The following PRKG1 variants were observed in gnomAD, a reference collection of about 807,000 sequenced individuals.
PRKG1 encodes protein kinase cGMP-dependent 1.
A neutral mutation model predicts 88.1 loss-of-function variants in PRKG1; 35 were observed. That is an observed-to-expected ratio of 0.40 (90% CI 0.30 to 0.53). The LOEUF (loss-of-function observed/expected upper bound fraction) is 0.53. Among genes scored for constraint, PRKG1 ranks in the 20% least tolerant of loss-of-function variants. PRKG1 has a pLI of 0.59. For synonymous variants in PRKG1, 303 were observed against 292.5 expected, an observed-to-expected ratio of 1.04 and a Z score of -0.37; for missense variants, 540 against 839.8, an observed-to-expected ratio of 0.64 and a Z score of 4.41.
intron 4 of PRKG1, among the ~76,000 whole-genome samples, chr10:51,854,589 G>A (rs530306183): frequency 5.9e-5 from 9 of 152,010 alleles, no homozygotes; most frequent in South Asian, 4.2e-4. Context: ...AGACAACCTC[G>A]TTATAAAGTT....
chr10:51,238,458 C>G (rs906456770), intron 2 of PRKG1, among the ~76,000 whole-genome samples: 3 of 151,918 alleles, frequency 2.0e-5, no homozygotes, highest in African/African-American at 7.3e-5. Flanking sequence ...TGGCGGGCCC[C>G]GTTATCCCAG....
At chr10:51,413,235 G>A (rs1838147418) in intron 2 of PRKG1, among the ~76,000 whole-genome samples, 1 of 151,828 alleles carries the variant, frequency 6.6e-6, no homozygotes, top group South Asian at 2.1e-4. Flanking sequence ...TTTTATTGTT[G>A]TTATTTCTTT....
At chr10:51,420,133 G>A (rs557365344) in intron 2 of PRKG1, among the ~76,000 whole-genome samples, 403 of 152,234 alleles carry the variant, frequency 2.6e-3, no homozygotes, top group African/African-American at 9.4e-3. Context: ...GAAACTGGGG[G>A]AGACCTCAGG....
Position 52,293,238 on chromosome 10 carries a change from C to A in PRKG1, c.1963-564C>A, listed in dbSNP as rs566328943. On this transcript the variant is annotated intron_variant, in intron 17 of 17. Transcript: ENST00000373980. ...AGGACCTCTTCAAGGAGAACTACAACCCACTGCTCAATGAAATAAAAGAGG... is the reference window on the plus strand; with the variant it reads ...AGGACCTCTTCAAGGAGAACTACAAACCACTGCTCAATGAAATAAAAGAGG... Among the ~76,000 whole-genome samples, 62 of 151,740 alleles carry A rather than the reference C, an allele frequency of 4.1e-4. No homozygotes were observed. In the South Asian group the frequency reaches 4.4e-3, roughly 11 times the overall value.
At chr10:51,109,196 C>A (rs1844919552) in intron 1 of PRKG1, among the ~76,000 whole-genome samples, 1 of 151,810 alleles carries the variant, frequency 6.6e-6, no homozygotes, top group South Asian at 2.1e-4. Flanking sequence ...AATAAAAAAC[C>A]AAGGAGGCAT....
At chr10:51,229,926 C>CAAAAAAAAAAAAAAAAAAAAAAAAA (rs35300789) in intron 2 of PRKG1, among the ~76,000 whole-genome samples, 4 of 33,560 alleles carry the variant, frequency 1.2e-4, no homozygotes, top group African/African-American at 3.3e-4. Context: ...GAGGCGATCT[C>CAAAAAAAAAAAAAAAAAAAAAAAAA]AAAAAAAAAA....
chr10:51,607,778 C>T (rs550236085), intron 3 of PRKG1, among the ~76,000 whole-genome samples: 1 of 152,178 alleles, frequency 6.6e-6, no homozygotes, highest in Non-Finnish European at 1.5e-5. Flanking sequence ...TCTTTGTATT[C>T]TGGTCAGTTC....
chr10:51,163,542 A>G (rs996602655), intron 2 of PRKG1, among the ~76,000 whole-genome samples: 1 of 152,150 alleles, frequency 6.6e-6, no homozygotes, highest in Non-Finnish European at 1.5e-5. Context: ...TGGGCGCAAG[A>G]CAGTGGGTGC....
At chr10:52,029,944 C>T (rs1845437396) in intron 5 of PRKG1, among the ~76,000 whole-genome samples, 1 of 152,146 alleles carries the variant, frequency 6.6e-6, no homozygotes, top group Admixed American at 6.5e-5. Flanking sequence ...TACTGAACCC[C>T]ATCCACTTTT....
At chr10:52,065,816 A>G (rs1903998) in intron 7 of PRKG1, among the ~76,000 whole-genome samples, 132,859 of 152,134 alleles carry the variant, frequency 0.87, 58,971 homozygotes, top group Non-Finnish European at 0.96. Context: ...TAAATGTGTC[A>G]AAAGATGGCA....
chr10:51,324,298 C>G (rs1324105211), intron 2 of PRKG1, among the ~76,000 whole-genome samples: 1 of 152,134 alleles, frequency 6.6e-6, no homozygotes, highest in Non-Finnish European at 1.5e-5. Context: ...CTACTTTCAA[C>G]CAACATGAGA....
chr10:51,649,386 A>T, intron 3 of PRKG1, among the ~76,000 whole-genome samples: 1 of 150,618 alleles, frequency 6.6e-6, no homozygotes, highest in Non-Finnish European at 1.5e-5. Context: ...TAATGATTTA[A>T]TTTTTTTTTT....
chr10:52,226,346 G>A (rs1032025043), intron 9 of PRKG1, among the ~76,000 whole-genome samples: 1 of 152,060 alleles, frequency 6.6e-6, no homozygotes, highest in African/African-American at 2.4e-5. Context: ...AAGAGAGTTA[G>A]TTAGATTGAT....
chr10:51,963,866 G>A (rs1010075018), intron 5 of PRKG1, among the ~76,000 whole-genome samples: 1 of 152,148 alleles, frequency 6.6e-6, no homozygotes, highest in Non-Finnish European at 1.5e-5. Flanking sequence ...TTTTATGTCA[G>A]TATCACTAGA....
At chr10:51,884,025 CAAAAA>C (rs11346256) in intron 4 of PRKG1, among the ~76,000 whole-genome samples, 2 of 106,118 alleles carry the variant, frequency 1.9e-5, no homozygotes, top group African/African-American at 3.5e-5. Flanking sequence ...TTTTATTTTT[CAAAAA>C]AAAAAAAAAA....
chr10:51,467,729 A>C lies in PRKG1; in HGVS notation c.485A>C (p.Lys162Thr). ...TTTCCCTCCTCCTTTTTAGATGGTA[A>C]GGTTGAAGTTACAAAAGAAGGTGTG... Reference protein sequence around the residue: ...GSLVYVMEDGKVEVTKEGVKL... With the variant: ...GSLVYVMEDGTVEVTKEGVKL... Residue 162 changes from lysine to threonine, a missense_variant, in exon 3 of 18, where the codon AAG becomes ACG. Transcript: ENST00000373980. The C allele has an allele frequency of 6.2e-7, 1 of 1,609,950 alleles. No homozygotes were observed. The highest frequency in any genetic ancestry group is 8.5e-7 in the Non-Finnish European group (1 of 1,176,816).
At chr10:51,936,296 G>A (rs933825503) in intron 5 of PRKG1, among the ~76,000 whole-genome samples, 12 of 151,830 alleles carry the variant, frequency 7.9e-5, no homozygotes, top group African/African-American at 2.7e-4. Flanking sequence ...TTTTTTCCCT[G>A]TTGCTGATGG....
At position 52,028,892 on chromosome 10, in the gene PRKG1, C is replaced by A. The variant is rs57844111; in HGVS notation, c.763-25592C>A. Among the ~76,000 whole-genome samples the A allele has an allele frequency of 2.6e-3, 402 of 152,280 alleles. 4 individuals are homozygous for A. The highest frequency in any genetic ancestry group is 9.1e-3 in the African/African-American group (377 of 41,568). On this transcript the variant is annotated intron_variant, in intron 5 of 17. Coordinates refer to ENST00000373980, the MANE Select transcript of PRKG1 (RefSeq NM_006258.4). ...ATTTGAAAAACCTTCCAGACTTAAT[C>A]AGTCTTGTCTTGGGGCTCTCTGTAC...
intron 3 of PRKG1, among the ~76,000 whole-genome samples, chr10:51,749,289 G>A (rs1428125338): frequency 6.6e-6 from 1 of 152,112 alleles, no homozygotes; most frequent in Admixed American, 6.6e-5. Context: ...TATAAACTAG[G>A]TGGCTTAAAC....
Sources: allele counts gnomAD v4.1 joint callset (sites outside exome capture counted in the v4.1 genomes callset), GRCh38; gene constraint gnomAD v4.1.1; transcripts MANE v1.5; gene names NCBI Gene and HGNC (gene_info 2026-07-23, HGNC 2026-07-21).